CHP1: variants seen among roughly 807,000 people sequenced by gnomAD.
CHP1 encodes calcineurin B homologous protein 1.
CHP1 carries 11 observed loss-of-function variants against 27.4 expected under a neutral mutation model. The ratio of observed to expected loss-of-function variants is 0.40; its 90% CI spans 0.25 to 0.67. The LOEUF (loss-of-function observed/expected upper bound fraction) is 0.67. Ranked by LOEUF, CHP1 falls within the 30% of genes least tolerant of loss-of-function variation. The probability of loss-of-function intolerance (pLI) is 0.38; values close to 1 mark genes in which losing one functional copy is unlikely to be tolerated. For synonymous variants in CHP1, 89 were observed against 87.4 expected, an observed-to-expected ratio of 1.02 and a Z score of -0.10; for missense variants, 169 against 251.3, an observed-to-expected ratio of 0.67 and a Z score of 2.22.
intron 4 of CHP1, 27 bp from the exon 5 acceptor site, chr15:41,270,530 G>C: frequency 6.3e-7 from 1 of 1,587,814 alleles, no homozygotes; most frequent in South Asian, 1.1e-5. Context: ...ACAGAATTTT[G>C]ACTAACTTTG....
rs1022913563 is a variant in CHP1, at chr15:41,249,568, G to T, written c.140+5829G>T. Among the ~76,000 whole-genome samples, 13 of 147,480 alleles carry T rather than the reference G, an allele frequency of 8.8e-5. No individual in the cohort carries two copies. In the East Asian group the frequency reaches 2.6e-3, roughly 30 times the overall value. ...GCTCACTGCAACCTCCGCCTCCCGG[G>T]TTCATGCCATTCTCATGCCTCAGCC... On this transcript the variant is annotated intron_variant, in intron 2 of 6. Coordinates refer to ENST00000334660, the MANE Select transcript of CHP1 (RefSeq NM_007236.5).
intron 1 of CHP1, chr15:41,234,257 C>A (rs563516137): frequency 6.6e-6 from 1 of 152,100 alleles, no homozygotes; most frequent in South Asian, 2.1e-4. Context: ...GCGCCAAGCC[C>A]AGAGTTGTTT....
At chr15:41,237,607 G>A (rs2047283976) in intron 1 of CHP1, among the ~76,000 whole-genome samples, 1 of 152,238 alleles carries the variant, frequency 6.6e-6, no homozygotes, top group South Asian at 2.1e-4. Flanking sequence ...ATTCCGGGAA[G>A]CGCAGGCTTC....
intron 5 of CHP1, among the ~76,000 whole-genome samples, chr15:41,270,849 C>T (rs192594175): frequency 1.3e-5 from 2 of 152,302 alleles, no homozygotes; most frequent in Non-Finnish European, 2.9e-5. Context: ...CATGGTGGCT[C>T]ACGCCTGTAA....
rs141877975 is a variant in CHP1, at chr15:41,279,411, C to T, written c.*22C>T. ...CTAAAGGAGACCAAACTGTTCCTTG[C>T]GGTCTAGTATTTAAGAACTGGAACT... On this transcript the variant is annotated 3_prime_UTR_variant, in exon 7 of 7. Transcript: ENST00000334660. 1,135 of 1,604,594 alleles carry T rather than the reference C, an allele frequency of 7.1e-4. 7 individuals are homozygous for T. In the African/African-American group the frequency reaches 0.012, roughly 18 times the overall value.
At chr15:41,233,763 T>C (rs1489086828) in intron 1 of CHP1, among the ~76,000 whole-genome samples, 2 of 152,066 alleles carry the variant, frequency 1.3e-5, no homozygotes, top group African/African-American at 4.8e-5. Flanking sequence ...TTGTGGGCTG[T>C]CCTCATGGAG....
At chr15:41,237,255 T>A (rs2047282337) in intron 1 of CHP1, among the ~76,000 whole-genome samples, 1 of 151,730 alleles carries the variant, frequency 6.6e-6, no homozygotes, top group African/African-American at 2.4e-5. Context: ...CAAATGATTC[T>A]CCTGCCTCAG....
At chr15:41,266,265 AAG>A (rs1425822076) in intron 4 of CHP1, among the ~76,000 whole-genome samples, 1 of 152,142 alleles carries the variant, frequency 6.6e-6, no homozygotes, top group African/African-American at 2.4e-5. Context: ...ACTGGGCAAT[AAG>A]AGTGAAACTC....
chr15:41,242,977 G>A (rs754241886), intron 1 of CHP1, among the ~76,000 whole-genome samples: 7 of 151,654 alleles, frequency 4.6e-5, no homozygotes, highest in Non-Finnish European at 8.8e-5. Context: ...AATAAATACA[G>A]TAAAAACATA....
At chr15:41,232,725 C>T (rs1340837350) in intron 1 of CHP1, among the ~76,000 whole-genome samples, 5 of 152,102 alleles carry the variant, frequency 3.3e-5, no homozygotes, top group Non-Finnish European at 7.4e-5. Flanking sequence ...GATGTAGCAC[C>T]TGAGCTCTGT....
chr15:41,253,106 T>A lies in CHP1; in HGVS notation c.141-3804T>A, dbSNP rs541604196. 2.5e-4 allele frequency among the ~76,000 whole-genome samples: 38 copies of A among 151,670 alleles called. No individual in the cohort carries two copies. In the South Asian group the frequency reaches 6.7e-3, roughly 27 times the overall value. On this transcript the variant is annotated intron_variant, in intron 2 of 6. Transcript: ENST00000334660. ...GGCTCGCGCCACCATGCCCAGCTAA[T>A]TTTTGTGTTTTTAGTAGAGACGGGG...
chr15:41,248,315 AT>A (rs1218010886), intron 2 of CHP1, among the ~76,000 whole-genome samples: 3 of 151,628 alleles, frequency 2.0e-5, no homozygotes, highest in South Asian at 2.1e-4. Context: ...TGCCTGGCTA[AT>A]TTTTTTTTCT....
At chr15:41,260,356 G>C (rs2047426425) in intron 3 of CHP1, among the ~76,000 whole-genome samples, 1 of 150,744 alleles carries the variant, frequency 6.6e-6, no homozygotes, top group Non-Finnish European at 1.5e-5. Flanking sequence ...CCAAGCTTAA[G>C]TACCAAAAAG....
intron 1 of CHP1, among the ~76,000 whole-genome samples, chr15:41,235,471 C>A (rs2047272188): frequency 6.6e-6 from 1 of 152,138 alleles, no homozygotes; most frequent in Admixed American, 6.5e-5. Context: ...CTGCAGTGAG[C>A]CATGTTCGTG....
At chr15:41,240,384 A>G (rs1322885286) in intron 1 of CHP1, among the ~76,000 whole-genome samples, 1 of 152,158 alleles carries the variant, frequency 6.6e-6, no homozygotes, top group Non-Finnish European at 1.5e-5. Context: ...CCAAAGCAAT[A>G]TAGAAAAAGT....
intron 1 of CHP1, among the ~76,000 whole-genome samples, chr15:41,231,696 A>T (rs954249979): frequency 2.0e-5 from 3 of 151,454 alleles, no homozygotes; most frequent in African/African-American, 7.3e-5. Flanking sequence ...TAGAGCGTCG[A>T]CGCCCCCCTT....
chr15:41,242,212 A>C (rs1203118922), intron 1 of CHP1, among the ~76,000 whole-genome samples: 1 of 152,020 alleles, frequency 6.6e-6, no homozygotes. Context: ...CTTCCTGGGA[A>C]CTCAGTGAAG....
At chr15:41,258,284 A>G (rs1004389884) in intron 3 of CHP1, among the ~76,000 whole-genome samples, 4 of 152,224 alleles carry the variant, frequency 2.6e-5, no homozygotes. Context: ...GAATAGGGAC[A>G]TTCTTTTACA....
intron 5 of CHP1, among the ~76,000 whole-genome samples, chr15:41,274,651 C>G (rs559249100): frequency 1.3e-5 from 2 of 152,112 alleles, no homozygotes; most frequent in East Asian, 3.9e-4. Context: ...TTTTCTAATT[C>G]TACAAATAAA....
Sources: allele counts gnomAD v4.1 joint callset (sites outside exome capture counted in the v4.1 genomes callset), GRCh38; gene constraint gnomAD v4.1.1; transcripts MANE v1.5; gene names NCBI Gene and HGNC (gene_info 2026-07-23, HGNC 2026-07-21).